Variants in EXD3 observed in about 807,000 individuals in gnomAD.
EXD3 encodes the protein exonuclease mut-7 homolog.
In EXD3, 92 loss-of-function variants were observed where a neutral mutation model predicts 98.0. That is an observed-to-expected ratio of 0.94 (90% CI 0.79 to 1.12). The LOEUF is 1.12. EXD3 is among the 50% of genes most tolerant of loss of function. The pLI, the probability that EXD3 is intolerant of heterozygous loss-of-function variation, is 0.00. For synonymous variants in EXD3, 569 were observed against 526.0 expected, an observed-to-expected ratio of 1.08 and a Z score of -1.12; for missense variants, 1,222 against 1,191.6, an observed-to-expected ratio of 1.03 and a Z score of -0.38.
intron 17 of EXD3, among the ~76,000 whole-genome samples, chr9:137,335,667 A>G (rs933336025): frequency 1.3e-5 from 2 of 152,122 alleles, no homozygotes; most frequent in African/African-American, 2.4e-5. Flanking sequence ...CAACAGAGCT[A>G]GACTTCATCT....
At chr9:137,365,973 C>G (rs954642318) in intron 7 of EXD3, 1 of 533,686 alleles carries the variant, frequency 1.9e-6, no homozygotes. Context: ...CGTGCACACA[C>G]AGAGACACAC....
At chr9:137,342,984 G>C (rs1833727304) in intron 17 of EXD3, among the ~76,000 whole-genome samples, 1 of 152,200 alleles carries the variant, frequency 6.6e-6, no homozygotes, top group Non-Finnish European at 1.5e-5. Flanking sequence ...GCCGGGCGTG[G>C]TGGTGGGTGC....
In EXD3 at chr9:137,347,568, T is replaced by C. The variant is rs1462843363; in HGVS notation, c.1998+503A>G. Reference sequence around the variant, plus strand: ...AAGCGATTCTCGTGTCTCAGCCTCCTGAGTAGTTGGGATTACAGGCGCCCG... The same window carrying C: ...AAGCGATTCTCGTGTCTCAGCCTCCCGAGTAGTTGGGATTACAGGCGCCCG... On this transcript the variant is annotated intron_variant, in intron 17 of 21. Transcript: ENST00000340951. This position sits in a 1 kb window ranked among gnomAD's most constrained non-coding sequence, Gnocchi z 4.2. Among the ~76,000 whole-genome samples, 3 of 151,930 alleles carry C rather than the reference T, an allele frequency of 2.0e-5. No homozygotes were observed. The highest frequency in any genetic ancestry group is 2.9e-5 in the Non-Finnish European group (2 of 67,892).
At chr9:137,312,661 G>A (rs933716391) in intron 19 of EXD3, among the ~76,000 whole-genome samples, 1 of 152,138 alleles carries the variant, frequency 6.6e-6, no homozygotes, top group African/African-American at 2.4e-5. Flanking sequence ...GGCCATCTGG[G>A]GAGGCGCACT....
At chr9:137,356,174 G>T in intron 8 of EXD3, 94 bp downstream of exon 8, 3 of 957,180 alleles carry the variant, frequency 3.1e-6, no homozygotes, top group South Asian at 1.5e-5. Flanking sequence ...GTTGGCACCT[G>T]AACAACGGGC....
intron 17 of EXD3, among the ~76,000 whole-genome samples, chr9:137,330,139 AACTACACCGGAGCTACACAGG>A (rs1832940591): frequency 2.0e-5 from 2 of 100,686 alleles, no homozygotes; most frequent in African/African-American, 4.0e-5. Context: ...GCTACACAGG[AACTACACCGGAGCTACACAGG>A]ACTACACCGG....
chr9:137,330,466 A>AG (rs1832989448), intron 17 of EXD3, among the ~76,000 whole-genome samples: 1 of 133,426 alleles, frequency 7.5e-6, no homozygotes, highest in Admixed American at 7.4e-5. Context: ...GCTACACAGG[A>AG]CTACAAAGGA....
chr9:137,372,534 G>A (rs1390873153), intron 5 of EXD3, among the ~76,000 whole-genome samples: 1 of 152,250 alleles, frequency 6.6e-6, no homozygotes, highest in Non-Finnish European at 1.5e-5. Flanking sequence ...TTCTGTGAAG[G>A]TTCCGGAGGC....
chr9:137,325,525 C>T (rs945338558), intron 17 of EXD3, among the ~76,000 whole-genome samples: 2 of 152,062 alleles, frequency 1.3e-5, no homozygotes, highest in Non-Finnish European at 2.9e-5. Context: ...CTCTGCCTCC[C>T]GAGTTCAAGC....
intron 19 of EXD3, among the ~76,000 whole-genome samples, chr9:137,319,934 GGC>G (rs1831938372): frequency 6.6e-6 from 1 of 152,162 alleles, no homozygotes; most frequent in African/African-American, 2.4e-5. Context: ...CCCCAACAAG[GGC>G]CTCCCTCCCA....
intron 2 of EXD3, among the ~76,000 whole-genome samples, chr9:137,387,408 G>A (rs181354258): frequency 2.8e-4 from 43 of 152,346 alleles, no homozygotes; most frequent in Admixed American, 5.9e-4. Context: ...AGGGACCCAT[G>A]GCAGGTGTGG....
At chr9:137,317,327 C>A (rs991313899) in intron 19 of EXD3, among the ~76,000 whole-genome samples, 1 of 152,182 alleles carries the variant, frequency 6.6e-6, no homozygotes, top group Non-Finnish European at 1.5e-5. Context: ...CATGGCCGGT[C>A]CCTCCTGCGT....
chr9:137,351,229 C>T (rs1442303761), intron 13 of EXD3, 82 bp from the exon 14 acceptor site: 1 of 1,534,402 alleles, frequency 6.5e-7, no homozygotes, highest in South Asian at 1.2e-5. Flanking sequence ...ACCCAGCACC[C>T]TCCCCGGGGC....
chr9:137,400,961 C>T (rs1837455460), intron 1 of EXD3, among the ~76,000 whole-genome samples: 1 of 152,080 alleles, frequency 6.6e-6, no homozygotes, highest in Admixed American at 6.6e-5. Context: ...ACCCCTGTGA[C>T]TCTGCATGGT....
chr9:137,348,085 G>A lies in EXD3; in HGVS notation c.1984C>T (p.Arg662Cys), dbSNP rs763757887. ...CGCAAACTCACCTCGGCCGCCCTGC[G>A]GTGGTCTTCACCATTGCCCAGCATG... Reference protein sequence around the residue: ...ARMLGNGEDHRRAAEVARQEG... With the variant: ...ARMLGNGEDHCRAAEVARQEG... Residue 662 changes from arginine (R) to cysteine (C), a missense_variant, in exon 17 of 22, where the codon CGC becomes TGC. Coordinates refer to ENST00000340951, the MANE Select transcript of EXD3 (RefSeq NM_017820.5). 25 of 1,611,218 alleles carry A rather than the reference G, an allele frequency of 1.6e-5. No individual in the cohort carries two copies. The Admixed American group carries it at 2.7e-4, about 17-fold the overall frequency.
At chr9:137,318,951 C>T (rs532579917) in intron 19 of EXD3, among the ~76,000 whole-genome samples, 18 of 152,266 alleles carry the variant, frequency 1.2e-4, no homozygotes, top group South Asian at 8.3e-4. Context: ...ACCCCAGCCT[C>T]GCTCTGGGAA....
chr9:137,398,575 AAGACACACAGGCAACCG>A (rs1564208410), intron 1 of EXD3, among the ~76,000 whole-genome samples: 21 of 140,948 alleles, frequency 1.5e-4, no homozygotes, highest in African/African-American at 5.6e-4. Context: ...CCGCGTCCCC[AAGACACACAGGCAACCG>A]CGTCCCCAAG....
rs181344214 is a variant in EXD3 at position 137,393,859 on chromosome 9, A to G, written c.55+1444T>C. On this transcript the variant is annotated intron_variant, in intron 2 of 21. Coordinates refer to ENST00000340951, the MANE Select transcript of EXD3 (RefSeq NM_017820.5). The surrounding 1 kb of genome is among the most constrained non-coding windows in gnomAD (Gnocchi z 4.6). The stretch of plus-strand genomic sequence containing the variant: ...AACCCACAACAAACTGAGGGCCTGC[A>G]GCCCAGGGCGAGGCGGCTGGGCCAG... Among the ~76,000 whole-genome samples, 15 of 152,304 alleles carry G rather than the reference A, an allele frequency of 9.8e-5. No homozygotes were observed. The highest frequency in any genetic ancestry group is 3.4e-4 in the African/African-American group (14 of 41,552).
intron 19 of EXD3, among the ~76,000 whole-genome samples, chr9:137,316,449 C>G (rs1247316249): frequency 6.6e-6 from 1 of 152,016 alleles, no homozygotes; most frequent in Non-Finnish European, 1.5e-5. Flanking sequence ...GGGGGTAGCC[C>G]GCGCGCCCCG....
Sources: allele counts gnomAD v4.1 joint callset (sites outside exome capture counted in the v4.1 genomes callset), GRCh38; gene constraint gnomAD v4.1.1; non-coding constraint Gnocchi (gnomAD v3.1); transcripts MANE v1.5; gene names NCBI Gene and HGNC (gene_info 2026-07-23, HGNC 2026-07-21).